The following PGGT1B variants were observed in gnomAD, a reference collection of about 807,000 sequenced individuals.
PGGT1B encodes the protein geranylgeranyl transferase type-1 subunit beta.
A neutral mutation model predicts 46.1 loss-of-function variants in PGGT1B; 30 were observed. The observed-to-expected ratio is 0.65, with a 90% CI of 0.49 to 0.88. The LOEUF is 0.88. Ranked by LOEUF, PGGT1B falls within the 40% of genes least tolerant of loss-of-function variation. PGGT1B has a pLI of 0.00. For synonymous variants in PGGT1B, 170 were observed against 160.0 expected (o/e 1.06, Z -0.47); for missense variants, 376 against 455.9 (o/e 0.82, Z 1.60).
chr5:115,259,647 C>A, intron 1 of PGGT1B, among the ~76,000 whole-genome samples: 1 of 144,470 alleles, frequency 6.9e-6, no homozygotes, highest in African/African-American at 2.7e-5. Context: ...AGAGATGGTG[C>A]CACCGCACTC....
intron 5 of PGGT1B, among the ~76,000 whole-genome samples, chr5:115,235,874 T>C (rs1394398909): frequency 6.6e-6 from 1 of 152,098 alleles, no homozygotes; most frequent in Non-Finnish European, 1.5e-5. Flanking sequence ...AAATAATCTA[T>C]AAAATGAAAA....
At chr5:115,251,867 A>G (rs1241833821) in intron 2 of PGGT1B, among the ~76,000 whole-genome samples, 1 of 152,018 alleles carries the variant, frequency 6.6e-6, no homozygotes, top group Non-Finnish European at 1.5e-5. Context: ...TAATAATTCT[A>G]CCATACCTCA....
rs144450354 is a variant in PGGT1B at position 115,215,391 on chromosome 5, C to G, written c.952+1474G>C. ...TTGGCTCACTGCAACCTCTGCCTCC[C>G]AGGTTCAGGCAATTCTTCTGCCCCA... On this transcript the variant is annotated intron_variant, in intron 8 of 8. Coordinates refer to ENST00000419445, the MANE Select transcript of PGGT1B (RefSeq NM_005023.4). 2.1e-3 allele frequency among the ~76,000 whole-genome samples: 325 copies of G among 152,130 alleles called. 1 individual carries two copies. The highest frequency in any genetic ancestry group is 7.2e-3 in the African/African-American group (300 of 41,490).
intron 7 of PGGT1B, among the ~76,000 whole-genome samples, chr5:115,218,869 T>C (rs1365514809): frequency 1.3e-5 from 2 of 151,846 alleles, no homozygotes; most frequent in Non-Finnish European, 3.0e-5. Flanking sequence ...TCTGAAATGA[T>C]TAAATACTGA....
intron 1 of PGGT1B, 36 bp downstream of exon 1, chr5:115,262,676 C>A (rs760862386): frequency 3.8e-6 from 6 of 1,576,426 alleles, no homozygotes; most frequent in Non-Finnish European, 5.2e-6. Context: ...GGAGCCCGGG[C>A]CTTGTGCCAG....
intron 6 of PGGT1B, among the ~76,000 whole-genome samples, chr5:115,229,414 T>C (rs904646307): frequency 3.3e-5 from 5 of 152,116 alleles, no homozygotes; most frequent in Non-Finnish European, 5.9e-5. Flanking sequence ...AATTTATAGA[T>C]AGAAGGAAGA....
At chr5:115,244,838 G>C (rs1348288806) in intron 2 of PGGT1B, among the ~76,000 whole-genome samples, 1 of 152,080 alleles carries the variant, frequency 6.6e-6, no homozygotes, top group Non-Finnish European at 1.5e-5. Flanking sequence ...TGATCTGCCT[G>C]TCTTGGCCTC....
At position 115,210,288 on chromosome 5, in the gene PGGT1B, T is replaced by C. The variant is rs750499570; in HGVS notation, c.*2114A>G. 1.3e-5 allele frequency: 2 copies of C among 152,092 alleles called. No individual in the cohort carries two copies. Among genetic ancestry groups the C allele is most frequent in the Non-Finnish European group, 2.9e-5 (2 of 67,980 alleles). The allele number at this position is 152,092 out of a possible 1,614,324, so 9.4% of individuals were successfully genotyped here. A position where few individuals can be genotyped will look rare whatever the true frequency, so the allele number is the denominator to read the frequency against. On this transcript the variant is annotated 3_prime_UTR_variant, in exon 9 of 9. Coordinates refer to ENST00000419445, the MANE Select transcript of PGGT1B (RefSeq NM_005023.4). ...ATTTCGGACTTCGTATTTTCCCTCATTACATCGCTCCTGTTAAGGAATAAA... is the reference window on the plus strand; with the variant it reads ...ATTTCGGACTTCGTATTTTCCCTCACTACATCGCTCCTGTTAAGGAATAAA...
intron 2 of PGGT1B, among the ~76,000 whole-genome samples, chr5:115,241,890 G>C (rs1282712305): frequency 2.0e-5 from 3 of 151,980 alleles, no homozygotes; most frequent in African/African-American, 4.8e-5. Context: ...TCTCCTGTCA[G>C]ATCAATTTTT....
chr5:115,226,127 C>G (rs1756774195), intron 6 of PGGT1B, among the ~76,000 whole-genome samples: 1 of 152,034 alleles, frequency 6.6e-6, no homozygotes, highest in Non-Finnish European at 1.5e-5. Context: ...TCTAACAAAG[C>G]AGGAAAATTC....
chr5:115,234,219 A>T (rs1390093067), intron 5 of PGGT1B, among the ~76,000 whole-genome samples: 5 of 150,724 alleles, frequency 3.3e-5, no homozygotes, highest in Admixed American at 1.3e-4. Flanking sequence ...AAACAGCAAA[A>T]AAAAAAAGAA....
chr5:115,255,041 T>C (rs1265432167), intron 1 of PGGT1B, among the ~76,000 whole-genome samples: 3 of 152,182 alleles, frequency 2.0e-5, no homozygotes, highest in Non-Finnish European at 4.4e-5. Flanking sequence ...CTGGGCAGGA[T>C]ACCTAAACTT....
chr5:115,243,876 T>G (rs1757423275), intron 2 of PGGT1B, among the ~76,000 whole-genome samples: 1 of 152,168 alleles, frequency 6.6e-6, no homozygotes, highest in Non-Finnish European at 1.5e-5. Flanking sequence ...GCCCCATATC[T>G]CAGAGTGGCA....
Position 115,253,231 on chromosome 5 carries a change from G to C in PGGT1B, c.165C>G (p.Leu55=), listed in dbSNP as rs773284380. Residue 55 remains leucine, a synonymous_variant, in exon 2 of 9, where the codon CTC becomes CTG. Transcript: ENST00000419445. ...AGGAATCCAACATATCCAGCCCGGA[G>C]AGTGCAAAAAATGCAATTGTCAACC... ...TSRLTIAFFA[L]SGLDMLDSLD... The C allele has an allele frequency of 1.3e-6, 2 of 1,582,996 alleles. No homozygotes were observed. Among genetic ancestry groups the C allele is most frequent in the Non-Finnish European group, 1.7e-6 (2 of 1,169,476 alleles).
Position 115,205,044 on chromosome 5 carries a change from T to G in PGGT1B, c.*7358A>C, listed in dbSNP as rs1206723609. ...TCCATTAACAGGCTAGCATACTACT[T>G]AGTTGCACTTTATCAAATCGATTTT... On this transcript the variant is annotated 3_prime_UTR_variant, in exon 9 of 9. Transcript: ENST00000419445. The G allele has an allele frequency of 6.6e-6, 1 of 152,200 alleles. No individual in the cohort carries two copies. The highest frequency in any genetic ancestry group is 1.5e-5 in the Non-Finnish European group (1 of 68,010). 9.4% of individuals were successfully genotyped at this position (152,200 alleles called of 1,614,324 possible).
chr5:115,237,364 T>G (rs1757215734), intron 4 of PGGT1B, among the ~76,000 whole-genome samples: 2 of 152,166 alleles, frequency 1.3e-5, no homozygotes, highest in South Asian at 4.1e-4. Context: ...CCAGGAAGAT[T>G]CATCTTTAGA....
intron 6 of PGGT1B, among the ~76,000 whole-genome samples, chr5:115,222,844 C>T (rs892836889): frequency 1.2e-4 from 19 of 152,170 alleles, no homozygotes; most frequent in African/African-American, 4.3e-4. Flanking sequence ...TGGAAACCAC[C>T]ATTCTGAGCA....
At chr5:115,260,959 C>G (rs189470292) in intron 1 of PGGT1B, among the ~76,000 whole-genome samples, 10 of 152,294 alleles carry the variant, frequency 6.6e-5, no homozygotes, top group African/African-American at 1.9e-4. Flanking sequence ...AAATCACAGA[C>G]TTATAGTGAT....
rs961105890 is a variant in PGGT1B, at chr5:115,222,134, A to G, written c.659-126T>C. 6 of 511,968 alleles carry G rather than the reference A, an allele frequency of 1.2e-5. No individual in the cohort carries two copies. The African/African-American group carries it at 1.2e-4, about 10-fold the overall frequency. The allele number at this position is 511,968 out of a possible 1,614,324, so 31.7% of individuals were successfully genotyped here. A position where few individuals can be genotyped will look rare whatever the true frequency, so the allele number is the denominator to read the frequency against. ...AATAGTGAAATAAAATTTAAATTTA[A>G]AAGATGAGATTTTAAAATAACCACT... On this transcript the variant is annotated intron_variant, in intron 6 of 8. Coordinates refer to ENST00000419445, the MANE Select transcript of PGGT1B (RefSeq NM_005023.4).
Sources: gnomAD v4.1 joint callset for allele counts (sites outside exome capture counted in the v4.1 genomes callset) on GRCh38, gnomAD v4.1.1 for gene constraint, MANE v1.5 for transcripts, NCBI Gene and HGNC (gene_info 2026-07-23, HGNC 2026-07-21) for gene names.